TBRG1: variants seen among roughly 807,000 people sequenced by gnomAD.
TBRG1 encodes the protein nuclear interactor of ARF and MDM2.
TBRG1 carries 31 observed loss-of-function variants against 44.0 expected under a neutral mutation model. That is an observed-to-expected ratio of 0.70 (90% CI 0.53 to 0.95). The LOEUF (loss-of-function observed/expected upper bound fraction) is 0.95, where lower values mean the gene tolerates loss of function less well. Among genes scored for constraint, TBRG1 ranks in the 40% least tolerant of loss-of-function variants. The pLI, the probability that TBRG1 is intolerant of heterozygous loss-of-function variation, is 0.00. For synonymous variants in TBRG1, 171 were observed against 188.1 expected, an observed-to-expected ratio of 0.91 and a Z score of 0.74; for missense variants, 487 against 496.1, an observed-to-expected ratio of 0.98 and a Z score of 0.18.
intron 5 of TBRG1, among the ~76,000 whole-genome samples, chr11:124,628,675 G>A (rs970023961): frequency 6.6e-6 from 1 of 152,126 alleles, no homozygotes; most frequent in Admixed American, 6.5e-5. Context: ...ATAATATCCA[G>A]TGCTGGCCGG....
rs530892513 is a variant in TBRG1 at position 124,630,608 on chromosome 11, A to T, written c.836+123A>T. The T allele has an allele frequency of 1.3e-3, 1,320 of 1,008,786 alleles. 7 individuals are homozygous for T. In the Middle Eastern group the frequency reaches 0.021, roughly 16 times the overall value. The allele number at this position is 1,008,786 out of a possible 1,614,324, so 62.5% of individuals were successfully genotyped here. A position where few individuals can be genotyped will look rare whatever the true frequency, so the allele number is the denominator to read the frequency against. On this transcript the variant is annotated intron_variant, in intron 6 of 8. Transcript: ENST00000441174. ...TAGAAACCTATCCTGGATCCTCCTG[A>T]CATTGTGCCAACTAGAGCCTCCACA...
Position 124,632,334 on chromosome 11 carries a change from AAAGAAGATACTAAC to A in TBRG1, c.*97_*110del, listed in dbSNP as rs1314921037. 283 of 1,072,168 alleles carry A rather than the reference AAAGAAGATACTAAC, an allele frequency of 2.6e-4. 5 individuals carry two copies. In the African/African-American group the frequency reaches 3.6e-3, roughly 14 times the overall value. The allele number at this position is 1,072,168 out of a possible 1,614,324, so 66.4% of individuals were successfully genotyped here. A position where few individuals can be genotyped will look rare whatever the true frequency, so the allele number is the denominator to read the frequency against. Reference sequence around the variant, plus strand: ...TGAAAGAAGGCAGCAATTCAGAAGTAAAGAAGATACTAACGTATTTCATCATGGAAGGTCCTGTG... The same window carrying A: ...TGAAAGAAGGCAGCAATTCAGAAGTAGTATTTCATCATGGAAGGTCCTGTG... On this transcript the variant is annotated 3_prime_UTR_variant, in exon 9 of 9. Transcript: ENST00000441174.
rs769765369 is a variant in TBRG1 at position 124,630,842 on chromosome 11, C to T, written c.934C>T (p.Arg312Ter). 6.3e-7 allele frequency: 1 copy of T among 1,593,412 alleles called. No individual in the cohort carries two copies. Among genetic ancestry groups the T allele is most frequent in the Non-Finnish European group, 8.6e-7 (1 of 1,168,248 alleles). Residue 312 changes from arginine (R) to a stop codon, truncating the protein, a stop_gained, in exon 7 of 9, where the codon CGA (arginine) becomes TGA (stop). Transcript: ENST00000441174. LOFTEE classifies it high-confidence loss of function. ...HNLIQSCPGA[R>*]KCINYQWVKF... ...CCTGATCCAGAGCTGTCCAGGAGCT[C>T]GAAAATGCATCAAGTAAGTGTGATC... is the stretch of plus-strand genomic sequence containing the variant.
Position 124,628,977 on chromosome 11 carries a change from G to A in TBRG1, c.739-1411G>A, listed in dbSNP as rs553397103. The stretch of plus-strand genomic sequence containing the variant: ...GGTTAAGTAAAATATATCCACCGTT[G>A]TATGTACAGCAATTAGAAGAATGAG... On this transcript the variant is annotated intron_variant, in intron 5 of 8. Transcript: ENST00000441174. Among the ~76,000 whole-genome samples the A allele has an allele frequency of 1.2e-3, 180 of 152,244 alleles. 1 individual carries two copies. The highest frequency in any genetic ancestry group is 6.8e-3 in the Middle Eastern group (2 of 294).
chr11:124,625,045 T>C (rs1942432951), intron 2 of TBRG1, 44 bp downstream of exon 2: 1 of 1,362,330 alleles, frequency 7.3e-7, no homozygotes, highest in South Asian at 1.3e-5. Context: ...TTTTTGGTGA[T>C]TGATTTGGTG....
intron 8 of TBRG1, 164 bp downstream of exon 8, chr11:124,631,581 C>A: frequency 1.4e-6 from 1 of 731,778 alleles, no homozygotes; most frequent in Non-Finnish European, 2.3e-6. Flanking sequence ...CTGCGGCCTG[C>A]ATAGCTTCCT....
At chr11:124,624,034 AT>A (rs1942400850) in intron 1 of TBRG1, among the ~76,000 whole-genome samples, 1 of 152,242 alleles carries the variant, frequency 6.6e-6, no homozygotes, top group South Asian at 2.1e-4. Flanking sequence ...AGAAATTAGA[AT>A]ACACATTCCA....
Position 124,633,703 on chromosome 11 carries a change from T to C in TBRG1, c.*1465T>C, listed in dbSNP as rs556342453. Reference sequence around the variant, plus strand: ...TTTACAATGTAAAAGAAACAAACTTTGTATAATAGCAAATCGGGAAGGGGA... The same window carrying C: ...TTTACAATGTAAAAGAAACAAACTTCGTATAATAGCAAATCGGGAAGGGGA... On this transcript the variant is annotated 3_prime_UTR_variant, in exon 9 of 9. Coordinates refer to ENST00000441174, the MANE Select transcript of TBRG1 (RefSeq NM_032811.3). 1 of 150,814 alleles carries C rather than the reference T, an allele frequency of 6.6e-6. No individual in the cohort carries two copies. The highest frequency in any genetic ancestry group is 2.5e-5 in the African/African-American group (1 of 40,068). 9.3% of individuals were successfully genotyped at this position (150,814 alleles called of 1,614,324 possible). A position where few individuals can be genotyped will look rare whatever the true frequency, so the allele number is the denominator to read the frequency against.
At chr11:124,623,415 T>C (rs1232902639) in intron 1 of TBRG1, 182 bp downstream of exon 1, 1 of 729,646 alleles carries the variant, frequency 1.4e-6, no homozygotes, top group Non-Finnish European at 2.4e-6. Context: ...TCCTCATCTG[T>C]AAATGAGCTA....
At chr11:124,631,456 G>A in intron 8 of TBRG1, 39 bp downstream of exon 8, 1 of 1,604,302 alleles carries the variant, frequency 6.2e-7, no homozygotes, top group South Asian at 1.1e-5. Context: ...AAAATTGACT[G>A]TGTTTAGGCT....
intron 4 of TBRG1, 143 bp downstream of exon 4, chr11:124,626,752 G>A: frequency 1.4e-6 from 2 of 1,425,454 alleles, no homozygotes; most frequent in East Asian, 2.5e-5. Flanking sequence ...GCAAAACCAG[G>A]TCAGTGTTGT....
rs747920967 is a variant in TBRG1, at chr11:124,635,748, A to G, written c.*3510A>G. 1.3e-5 allele frequency: 2 copies of G among 152,192 alleles called. No individual in the cohort carries two copies. The highest frequency in any genetic ancestry group is 2.9e-5 in the Non-Finnish European group (2 of 68,030). 9.4% of individuals were successfully genotyped at this position (152,192 alleles called of 1,614,324 possible). On this transcript the variant is annotated 3_prime_UTR_variant, in exon 9 of 9. Transcript: ENST00000441174. ...ATAGATAGTATTCTTACTCCTTTTC[A>G]CATGCTTCAAGGACAGTTTGCAAGT...
At position 124,632,428 on chromosome 11, in the gene TBRG1, C is replaced by A. The variant is rs909025264; in HGVS notation, c.*190C>A. The A allele has an allele frequency of 1.0e-5, 5 of 496,368 alleles. No individual in the cohort carries two copies. The highest frequency in any genetic ancestry group is 1.8e-5 in the Non-Finnish European group (5 of 280,040). The allele number at this position is 496,368 out of a possible 1,614,324, so 30.7% of individuals were successfully genotyped here. On this transcript the variant is annotated 3_prime_UTR_variant, in exon 9 of 9. Transcript: ENST00000441174. The stretch of plus-strand genomic sequence containing the variant: ...CTGCTTTATTTTTAGTAATAAATTT[C>A]TCTTGTCAATTCTGTTTACTTTCAT...
chr11:124,628,116 TACACACACACACAC>T (rs368617758), intron 5 of TBRG1, among the ~76,000 whole-genome samples: 7 of 41,944 alleles, frequency 1.7e-4, no homozygotes, highest in African/African-American at 3.7e-4. Context: ...TATATATATA[TACACACACACACAC>T]ACACACACAC....
Position 124,635,522 on chromosome 11 carries a change from T to C in TBRG1, c.*3284T>C, listed in dbSNP as rs750984735. The C allele has an allele frequency of 1.8e-4, 28 of 152,302 alleles. No individual in the cohort carries two copies. The highest frequency in any genetic ancestry group is 3.2e-4 in the Non-Finnish European group (22 of 68,028). 9.4% of individuals were successfully genotyped at this position (152,302 alleles called of 1,614,324 possible). On this transcript the variant is annotated 3_prime_UTR_variant, in exon 9 of 9. Coordinates refer to ENST00000441174, the MANE Select transcript of TBRG1 (RefSeq NM_032811.3). ...TCATTTTCACACAGTAAAAAGTTCC[T>C]AAATTGGGGGAAACATAGTGAATTC...
chr11:124,629,893 T>C (rs1249046908), intron 5 of TBRG1: 1 of 152,836 alleles, frequency 6.5e-6, no homozygotes, highest in African/African-American at 2.4e-5. Context: ...AAATATTTTC[T>C]TGGCAAAAAT....
Position 124,626,556 on chromosome 11 carries a change from C to A in TBRG1, c.538C>A (p.Arg180=), listed in dbSNP as rs766145884. ...VQPIALDPSG[R]PVFPIGLGGL... ...GCCCATTGCCCTGGATCCCTCAGGA[C>A]GGCCTGTGTTCCCCATCGGACTAGG... Residue 180 remains arginine (R), a synonymous_variant, in exon 4 of 9, where the codon CGG becomes AGG. Coordinates refer to ENST00000441174, the MANE Select transcript of TBRG1 (RefSeq NM_032811.3). 1.3e-6 allele frequency: 2 copies of A among 1,551,462 alleles called. No individual in the cohort carries two copies. The highest frequency in any genetic ancestry group is 1.7e-6 in the Non-Finnish European group (2 of 1,146,820).
intron 5 of TBRG1, among the ~76,000 whole-genome samples, chr11:124,629,075 C>G (rs1265188548): frequency 5.9e-5 from 9 of 152,158 alleles, no homozygotes. Flanking sequence ...CTTTAATGCT[C>G]TTTACTCAAA....
chr11:124,629,391 CATTT>C (rs1942562082), intron 5 of TBRG1, among the ~76,000 whole-genome samples: 2 of 151,752 alleles, frequency 1.3e-5, no homozygotes, highest in Non-Finnish European at 2.9e-5. Flanking sequence ...ATGGTTTTTT[CATTT>C]ATTAGCTGAG....
Sources: gnomAD v4.1 joint callset for allele counts (sites outside exome capture counted in the v4.1 genomes callset) on GRCh38, gnomAD v4.1.1 for gene constraint, MANE v1.5 for transcripts, NCBI Gene and HGNC (gene_info 2026-07-23, HGNC 2026-07-21) for gene names.